Variants in GRP observed in about 807,000 individuals in gnomAD.
GRP encodes the protein gastrin-releasing peptide.
In GRP, 11 loss-of-function variants were observed where a neutral mutation model predicts 12.7. The observed-to-expected ratio is 0.87, with a 90% CI of 0.55 to 1.44. The LOEUF (loss-of-function observed/expected upper bound fraction) is 1.44, where lower values mean the gene tolerates loss of function less well. Among genes scored for constraint, GRP ranks in the 40% most tolerant of loss-of-function variants. The pLI is 0.00. For missense variants in GRP, 212 were observed against 185.4 expected (o/e 1.14, Z -0.83); for synonymous variants, 84 against 77.7 (o/e 1.08, Z -0.43).
In GRP at chr18:59,227,226, T is replaced by G. The variant is rs2069957997; in HGVS notation, c.382+1492T>G. Reference sequence around the variant, plus strand: ...ATGCTAAATGGAAACTGAAGTTCACTTGTTGCACTAAGCACCTAGAGGGAA... The same window carrying G: ...ATGCTAAATGGAAACTGAAGTTCACGTGTTGCACTAAGCACCTAGAGGGAA... On this transcript the variant is annotated intron_variant, in intron 2 of 2. Coordinates refer to ENST00000256857, the MANE Select transcript of GRP (RefSeq NM_002091.5). Among the ~76,000 whole-genome samples, 5 of 152,188 alleles carry G rather than the reference T, an allele frequency of 3.3e-5. No homozygotes were observed. The South Asian group carries it at 1.0e-3, about 32-fold the overall frequency.
At chr18:59,227,045 CTTTCTTT>C (rs1568085028) in intron 2 of GRP, among the ~76,000 whole-genome samples, 1 of 122,554 alleles carries the variant, frequency 8.2e-6, no homozygotes, top group Non-Finnish European at 1.7e-5. Context: ...TTCTTTCTTT[CTTTCTTT>C]CTTCCTTTCT....
intron 2 of GRP, 124 bp from the exon 3 acceptor site, chr18:59,230,280 G>A: frequency 1.5e-6 from 1 of 680,594 alleles, no homozygotes; most frequent in South Asian, 1.7e-5. Context: ...GTGTTAGGCT[G>A]AACCAAGAAT....
chr18:59,227,277 A>G (rs1296387042), intron 2 of GRP, among the ~76,000 whole-genome samples: 1 of 152,114 alleles, frequency 6.6e-6, no homozygotes, highest in Non-Finnish European at 1.5e-5. Flanking sequence ...TATTCAGAAA[A>G]AAAACAAAAA....
At position 59,229,037 on chromosome 18, in the gene GRP, T is replaced by A. The variant is rs139960566; in HGVS notation, c.383-1367T>A. Among the ~76,000 whole-genome samples, 1,210 of 152,326 alleles carry A rather than the reference T, an allele frequency of 7.9e-3. 15 individuals carry two copies. The highest frequency in any genetic ancestry group is 0.028 in the African/African-American group (1,158 of 41,574). ...CTTTTAAGGGACTGCTCTCACTGTC[T>A]CATCAAATCAGTACAGAGAATAGGA... On this transcript the variant is annotated intron_variant, in intron 2 of 2. Transcript: ENST00000256857.
upstream of GRP, among the ~76,000 whole-genome samples, chr18:59,219,787 C>T (rs932833349): frequency 6.6e-5 from 10 of 152,246 alleles, no homozygotes; most frequent in South Asian, 6.2e-4. Flanking sequence ...AGCTACACCC[C>T]CCACCCCTCC....
chr18:59,221,607 G>T (rs1457244701), intron 1 of GRP, among the ~76,000 whole-genome samples: 1 of 152,210 alleles, frequency 6.6e-6, no homozygotes, highest in East Asian at 1.9e-4. Flanking sequence ...GTGTGTGTGT[G>T]TGTGTGTGTA....
In GRP at chr18:59,220,292, C is replaced by A. The variant is rs1021058232; in HGVS notation, c.27C>A (p.Val9=). The stretch of plus-strand genomic sequence containing the variant: ...TGCGCGGCCGTGAGCTCCCGCTGGT[C>A]CTGCTGGCGCTGGTCCTCTGCCTGG... MRGRELPL[V]LLALVLCLAP... Residue 9 remains valine (V), a synonymous_variant, in exon 1 of 3, where the codon GTC becomes GTA. Coordinates refer to ENST00000256857, the MANE Select transcript of GRP (RefSeq NM_002091.5). The A allele has an allele frequency of 1.3e-5, 19 of 1,505,320 alleles. No homozygotes were observed. The highest frequency in any genetic ancestry group is 4.1e-5 in the Admixed American group (2 of 48,380). The allele number at this position is 1,505,320 out of a possible 1,614,324, so 93.2% of individuals were successfully genotyped here.
At chr18:59,219,515 A>G (rs1252160013), upstream of GRP, among the ~76,000 whole-genome samples, 2 of 29,882 alleles carry the variant, frequency 6.7e-5, no homozygotes, top group African/African-American at 3.4e-4. Flanking sequence ...AGGGGAAGGG[A>G]GGGGAGAGGA....
chr18:59,220,759 T>C (rs535139798), intron 1 of GRP, among the ~76,000 whole-genome samples: 84 of 152,324 alleles, frequency 5.5e-4, no homozygotes, highest in Middle Eastern at 3.4e-3. Flanking sequence ...AGTCTCAACC[T>C]GTCTGGCACG....
intron 2 of GRP, 125 bp downstream of exon 2, chr18:59,225,859 T>A: frequency 3.9e-6 from 3 of 761,992 alleles, no homozygotes; most frequent in South Asian, 1.9e-5. Flanking sequence ...TACATTAGGC[T>A]AACACATGCT....
In GRP at chr18:59,227,016, T is replaced by TCTTTCTTTCTTTCTTTCTTTCTTC. The variant is rs1568084903; in HGVS notation, c.382+1305_382+1306insCCTTTCTTTCTTTCTTTCTTTCTT. Among the ~76,000 whole-genome samples the TCTTTCTTTCTTTCTTTCTTTCTTC allele has an allele frequency of 5.1e-3, 663 of 129,400 alleles. 6 individuals carry two copies. The highest frequency in any genetic ancestry group is 6.8e-3 in the Non-Finnish European group (401 of 58,794). 84.9% of individuals were successfully genotyped at this position (129,400 alleles called of 152,430 possible). ...TCCTTTCTTTCTTTCTTTCTTTCTT[T>TCTTTCTTTCTTTCTTTCTTTCTTC]CTTTCTTTCTTTCTTTCTTTCTTTC... is the stretch of plus-strand genomic sequence containing the variant. On this transcript the variant is annotated intron_variant, in intron 2 of 2. Transcript: ENST00000256857.
chr18:59,220,146 A>C (rs2069802358), upstream of GRP: 1 of 465,914 alleles, frequency 2.1e-6, no homozygotes, highest in Non-Finnish European at 3.4e-6. Flanking sequence ...TAGGGGCCCT[A>C]GTGGAGGCCG....
chr18:59,229,727 T>C (rs754094165), intron 2 of GRP, among the ~76,000 whole-genome samples: 11 of 152,214 alleles, frequency 7.2e-5, no homozygotes, highest in Non-Finnish European at 7.3e-5. Flanking sequence ...AAGGGTGCTA[T>C]ATGGGAACAA....
chr18:59,226,675 C>T, intron 2 of GRP, among the ~76,000 whole-genome samples: 1 of 152,364 alleles, frequency 6.6e-6, no homozygotes, highest in South Asian at 2.1e-4. Flanking sequence ...TGCCAGACAT[C>T]TTCCAGAAAT....
At chr18:59,229,822 A>C (rs1400548862) in intron 2 of GRP, among the ~76,000 whole-genome samples, 1 of 152,200 alleles carries the variant, frequency 6.6e-6, no homozygotes, top group African/African-American at 2.4e-5. Context: ...AACCACAATA[A>C]ATTTAGAATT....
chr18:59,219,418 G>C (rs757885748), upstream of GRP, among the ~76,000 whole-genome samples: 1 of 139,578 alleles, frequency 7.2e-6, no homozygotes, highest in Non-Finnish European at 1.6e-5. Context: ...AGAGAGATTG[G>C]GGAGGAGGGG....
intron 2 of GRP, 118 bp from the exon 3 acceptor site, chr18:59,230,286 A>C: frequency 1.4e-6 from 1 of 697,678 alleles, no homozygotes; most frequent in Non-Finnish European, 2.6e-6. Context: ...GGCTGAACCA[A>C]GAATTTGCCT....
chr18:59,227,249 G>A (rs1383789194), intron 2 of GRP, among the ~76,000 whole-genome samples: 4 of 151,438 alleles, frequency 2.6e-5, no homozygotes, highest in Non-Finnish European at 1.5e-5. Context: ...CACCTAGAGG[G>A]AAAGTCTTTG....
At chr18:59,224,492 C>T (rs1383827938) in intron 1 of GRP, among the ~76,000 whole-genome samples, 1 of 152,182 alleles carries the variant, frequency 6.6e-6, no homozygotes, top group Non-Finnish European at 1.5e-5. Context: ...TCCTTGCACA[C>T]TTTAGATCAA....
Sources: gnomAD v4.1 joint callset for allele counts (sites outside exome capture counted in the v4.1 genomes callset) on GRCh38, gnomAD v4.1.1 for gene constraint, MANE v1.5 for transcripts, NCBI Gene and HGNC (gene_info 2026-07-23, HGNC 2026-07-21) for gene names.